The following ITGA8 variants were observed in gnomAD, a reference collection of about 807,000 sequenced individuals.
ITGA8 encodes integrin subunit alpha 8.
In ITGA8, 91 loss-of-function variants were observed where a neutral mutation model predicts 142.3. The observed-to-expected ratio is 0.64, with a 90% CI of 0.54 to 0.76. The LOEUF is 0.76. ITGA8 is among the 30% of genes least tolerant of loss of function. The probability of loss-of-function intolerance (pLI) is 0.00; values close to 1 mark genes in which losing one functional copy is unlikely to be tolerated. For missense variants in ITGA8, 1,406 were observed against 1,327.7 expected, an observed-to-expected ratio of 1.06 and a Z score of -0.92; for synonymous variants, 505 against 485.2, an observed-to-expected ratio of 1.04 and a Z score of -0.54.
chr10:15,664,924 A>T (rs1480964814), intron 8 of ITGA8, among the ~76,000 whole-genome samples: 1 of 152,108 alleles, frequency 6.6e-6, no homozygotes, highest in Non-Finnish European at 1.5e-5. Context: ...ATTGTAGGAC[A>T]TTTAGGTTAG....
chr10:15,620,293 T>A (rs1344761410), intron 13 of ITGA8, among the ~76,000 whole-genome samples: 2 of 116,762 alleles, frequency 1.7e-5, no homozygotes, highest in Non-Finnish European at 3.6e-5. Flanking sequence ...GCATGTATAC[T>A]TGAAGGTGTT....
intron 22 of ITGA8, among the ~76,000 whole-genome samples, chr10:15,590,941 A>G (rs987210806): frequency 2.0e-5 from 3 of 152,230 alleles, no homozygotes; most frequent in Non-Finnish European, 4.4e-5. Flanking sequence ...CTAGAAATCT[A>G]TACAAAGTTT....
At chr10:15,543,482 C>T (rs1833611451) in intron 27 of ITGA8, among the ~76,000 whole-genome samples, 1 of 152,152 alleles carries the variant, frequency 6.6e-6, no homozygotes, top group Non-Finnish European at 1.5e-5. Context: ...TGACTTCAGC[C>T]CCAACTGTTC....
intron 10 of ITGA8, among the ~76,000 whole-genome samples, chr10:15,657,864 T>C (rs1182092836): frequency 6.6e-6 from 1 of 152,260 alleles, no homozygotes; most frequent in Non-Finnish European, 1.5e-5. Context: ...GGAATTCATT[T>C]ATTTTAAATT....
chr10:15,640,082 G>C (rs922231480), intron 13 of ITGA8, among the ~76,000 whole-genome samples: 1 of 152,302 alleles, frequency 6.6e-6, no homozygotes, highest in East Asian at 1.9e-4. Flanking sequence ...GGGGGTAGAG[G>C]GCTGGGCAAG....
intron 2 of ITGA8, among the ~76,000 whole-genome samples, chr10:15,705,709 A>T (rs1175691435): frequency 6.6e-6 from 1 of 152,032 alleles, no homozygotes; most frequent in African/African-American, 2.4e-5. Flanking sequence ...CTCTTGACAC[A>T]CTCCACTGTA....
intron 19 of ITGA8, among the ~76,000 whole-genome samples, chr10:15,605,234 C>T (rs549697560): frequency 2.6e-5 from 4 of 152,234 alleles, no homozygotes; most frequent in Non-Finnish European, 4.4e-5. Context: ...CCCTTTGATT[C>T]GTTTCAATTT....
intron 13 of ITGA8, among the ~76,000 whole-genome samples, chr10:15,639,414 CAG>C (rs1833830086): frequency 6.6e-6 from 1 of 152,310 alleles, no homozygotes; most frequent in Non-Finnish European, 1.5e-5. Flanking sequence ...ATCCCCATCT[CAG>C]AGTCAGTCAT....
chr10:15,683,419 A>G (rs1834778880), intron 4 of ITGA8, among the ~76,000 whole-genome samples: 1 of 152,020 alleles, frequency 6.6e-6, no homozygotes, highest in Non-Finnish European at 1.5e-5. Context: ...TGACACTCCC[A>G]GGTTTGCTTT....
intron 20 of ITGA8, among the ~76,000 whole-genome samples, chr10:15,597,861 C>A (rs935594102): frequency 6.6e-6 from 1 of 152,158 alleles, no homozygotes; most frequent in Non-Finnish European, 1.5e-5. Context: ...TATTTCCTTT[C>A]CTTCCCTTAT....
At chr10:15,613,475 A>T in intron 15 of ITGA8, 185 bp downstream of exon 15, 1 of 603,518 alleles carries the variant, frequency 1.7e-6, no homozygotes, top group Non-Finnish European at 3.0e-6. Flanking sequence ...CTCTTGAAAG[A>T]CTAACTCCTT....
intron 14 of ITGA8, among the ~76,000 whole-genome samples, chr10:15,614,274 C>A (rs896432): frequency 0.41 from 62,299 of 151,966 alleles, 13,244 homozygotes; most frequent in South Asian, 0.63. Flanking sequence ...TCAAGCTGAG[C>A]TTTGCAAATT....
chr10:15,634,808 A>G (rs1305137590), intron 13 of ITGA8, among the ~76,000 whole-genome samples: 1 of 152,128 alleles, frequency 6.6e-6, no homozygotes, highest in Non-Finnish European at 1.5e-5. Flanking sequence ...ATTCGATAGA[A>G]TTTCGAATAG....
intron 13 of ITGA8, among the ~76,000 whole-genome samples, chr10:15,626,180 C>T (rs1332685908): frequency 1.3e-5 from 2 of 152,174 alleles, no homozygotes; most frequent in Non-Finnish European, 2.9e-5. Context: ...CTCCTCAAAC[C>T]TGTCTATAAA....
At chr10:15,586,707 G>T in intron 22 of ITGA8, 43 bp from the exon 23 acceptor site, 1 of 1,112,448 alleles carries the variant, frequency 9.0e-7, no homozygotes, top group Non-Finnish European at 1.4e-6. Flanking sequence ...CTGCTCAGGA[G>T]TATTATTACA....
intron 23 of ITGA8, among the ~76,000 whole-genome samples, chr10:15,580,126 T>TAAAAAAAA (rs35286236): frequency 1.5e-4 from 16 of 108,884 alleles, no homozygotes; most frequent in African/African-American, 3.2e-4. Context: ...TCAGAAAATG[T>TAAAAAAAA]AAAAAAAAAA....
chr10:15,588,650 C>T (rs765739913), intron 22 of ITGA8, among the ~76,000 whole-genome samples: 31 of 152,210 alleles, frequency 2.0e-4, no homozygotes, highest in Non-Finnish European at 3.1e-4. Flanking sequence ...GCTTGGCAGC[C>T]GTGGAAATTA....
At chr10:15,693,871 T>C (rs926612370) in intron 2 of ITGA8, among the ~76,000 whole-genome samples, 18 of 151,482 alleles carry the variant, frequency 1.2e-4, no homozygotes, top group Non-Finnish European at 2.1e-4. Flanking sequence ...GGTCCATAGG[T>C]TTTTTTTCTT....
intron 2 of ITGA8, among the ~76,000 whole-genome samples, chr10:15,717,222 C>A (rs1451469439): frequency 1.3e-5 from 2 of 152,122 alleles, no homozygotes; most frequent in Non-Finnish European, 2.9e-5. Flanking sequence ...TTTTCCACGA[C>A]CATAAATTGC....
Sources: gnomAD v4.1 joint callset for allele counts (sites outside exome capture counted in the v4.1 genomes callset) on GRCh38, gnomAD v4.1.1 for gene constraint, MANE v1.5 for transcripts, NCBI Gene and HGNC (gene_info 2026-07-23, HGNC 2026-07-21) for gene names.